The following NPIPB15 variants were observed in gnomAD, a reference collection of about 807,000 sequenced individuals.
NPIPB15 encodes the protein nuclear pore complex-interacting protein family member B15.
NPIPB15 carries 5 observed loss-of-function variants against 35.9 expected under a neutral mutation model. The ratio of observed to expected loss-of-function variants is 0.14; its 90% CI spans 0.07 to 0.29. The LOEUF is 0.29. Among genes scored for constraint, NPIPB15 ranks in the 10% least tolerant of loss-of-function variants. The probability of loss-of-function intolerance (pLI) is 1.00; values close to 1 mark genes in which losing one functional copy is unlikely to be tolerated. For missense variants in NPIPB15, 100 were observed against 506.1 expected (o/e 0.20, Z 7.70); for synonymous variants, 43 against 182.0 (o/e 0.24, Z 6.15).
At chr16:74,384,999 GTGTGTGTGTGTGTGTGTGT>G (rs1395145996) in intron 3 of NPIPB15, among the ~76,000 whole-genome samples, 38 of 34,132 alleles carry the variant, frequency 1.1e-3, no homozygotes, top group Non-Finnish European at 1.1e-3. Flanking sequence ...TCTTGTGTGT[GTGTGTGTGTGTGTGTGTGT>G]GTGTGTGTGT....
At chr16:74,378,410 C>T (rs139414349) in intron 2 of NPIPB15, among the ~76,000 whole-genome samples, 27,310 of 113,250 alleles carry the variant, frequency 0.24, 3,362 homozygotes, top group African/African-American at 0.33. Context: ...ATTTGTGTCA[C>T]CTGGTTTGAT....
chr16:74,381,365 T>C, intron 2 of NPIPB15, 151 bp from the exon 3 acceptor site: 1 of 906,850 alleles, frequency 1.1e-6, no homozygotes, highest in South Asian at 1.8e-5. Context: ...CTAACTTCTG[T>C]TCTTTTTTGT....
Position 74,376,678 on chromosome 16 carries a change from C to G in NPIPB15, c.-691C>G, listed in dbSNP as rs569814319. 2.0e-5 allele frequency among the ~76,000 whole-genome samples: 3 copies of G among 152,130 alleles called. No individual in the cohort carries two copies. Among genetic ancestry groups the G allele is most frequent in the Admixed American group, 6.6e-5 (1 of 15,218 alleles). Reference sequence around the variant, plus strand: ...GATTATAGATAAGGACATCATCACTCGGTTTCAGATGTTAAAATGTCTAGG... The same window carrying G: ...GATTATAGATAAGGACATCATCACTGGGTTTCAGATGTTAAAATGTCTAGG... On this transcript the variant is annotated 5_prime_UTR_variant, in exon 1 of 8. Coordinates refer to ENST00000692376, the MANE Select transcript of NPIPB15 (RefSeq NM_001306094.2).
rs2012001032 is a variant in NPIPB15, at chr16:74,381,635, T to C, written c.186T>C (p.Ile62=). 6.3e-7 allele frequency: 1 copy of C among 1,582,144 alleles called. No homozygotes were observed. Among genetic ancestry groups the C allele is most frequent in the South Asian group, 1.1e-5 (1 of 89,158 alleles). Reference sequence around the variant, plus strand: ...CACAAAAATTGGATAATTTGATAATTATCATTATTGGGTTTCTGAGACGTG... The same window carrying C: ...CACAAAAATTGGATAATTTGATAATCATCATTATTGGGTTTCTGAGACGTG... The part of the protein sequence containing the change: ...PSPQKLDNLI[I]IIIGFLRRDT... Residue 62 remains isoleucine, a synonymous_variant, in exon 3 of 8, where the codon ATT becomes ATC. Transcript: ENST00000692376.
In NPIPB15 at chr16:74,389,071, G is replaced by A. The variant is rs1263567946; in HGVS notation, c.546-754G>A. Among the ~76,000 whole-genome samples, 3 of 148,398 alleles carry A rather than the reference G, an allele frequency of 2.0e-5. No individual in the cohort carries two copies. In the South Asian group the frequency reaches 6.5e-4, roughly 32 times the overall value. On this transcript the variant is annotated intron_variant, in intron 5 of 7. Coordinates refer to ENST00000692376, the MANE Select transcript of NPIPB15 (RefSeq NM_001306094.2). ...CTGTGTGGAAACTCGGTTCATACCA[G>A]CCATTCTAGGGGTGGGGTGAGTTGT...
rs778530257 is a variant in NPIPB15, at chr16:74,381,644, T to C, written c.195T>C (p.Ile65=). ...TGGATAATTTGATAATTATCATTAT[T>C]GGGTTTCTGAGACGTGACACATTTA... is the stretch of plus-strand genomic sequence containing the variant. ...QKLDNLIIII[I]GFLRRDTFTI... is the part of the protein sequence containing the mutation. Residue 65 remains isoleucine, a synonymous_variant, in exon 3 of 8, where the codon ATT becomes ATC. Coordinates refer to ENST00000692376, the MANE Select transcript of NPIPB15 (RefSeq NM_001306094.2). The C allele has an allele frequency of 1.3e-6, 2 of 1,585,962 alleles. No homozygotes were observed. The highest frequency in any genetic ancestry group is 2.3e-5 in the East Asian group (1 of 44,208).
chr16:74,388,737 C>A (rs2012402985), intron 5 of NPIPB15: 2 of 963,270 alleles, frequency 2.1e-6, no homozygotes, highest in Non-Finnish European at 2.5e-6. Flanking sequence ...AGAATGTGAG[C>A]ACACAGAAAA....
chr16:74,379,110 C>T (rs1203068930), intron 2 of NPIPB15, among the ~76,000 whole-genome samples: 1 of 152,370 alleles, frequency 6.6e-6, no homozygotes, highest in African/African-American at 2.4e-5. Flanking sequence ...AAGATCTACA[C>T]TATTATGTCA....
intron 5 of NPIPB15, among the ~76,000 whole-genome samples, chr16:74,387,099 C>A (rs1238811150): frequency 4.0e-5 from 6 of 151,880 alleles, no homozygotes; most frequent in Non-Finnish European, 5.9e-5. Flanking sequence ...ACGGGTCCTC[C>A]ATACAGGCTG....
intron 1 of NPIPB15, 197 bp from the exon 2 acceptor site, chr16:74,377,755 C>T (rs1283979590): frequency 3.4e-6 from 1 of 297,070 alleles, no homozygotes; most frequent in Non-Finnish European, 6.2e-6. Flanking sequence ...CAACAGCCCC[C>T]TTCTCCTCCT....
At chr16:74,381,938 T>C (rs558739364) in intron 3 of NPIPB15, among the ~76,000 whole-genome samples, 20 of 130,364 alleles carry the variant, frequency 1.5e-4, no homozygotes, top group African/African-American at 5.4e-4. Context: ...TAAGTTTTTT[T>C]AGCCTTTGTG....
intron 2 of NPIPB15, among the ~76,000 whole-genome samples, chr16:74,378,423 CT>C (rs1002146100): frequency 0.015 from 1,253 of 85,856 alleles, 4 homozygotes; most frequent in African/African-American, 0.026. Context: ...GGTTTGATGC[CT>C]TTTTTTTTTT....
At chr16:74,378,602 C>T (rs1372238181) in intron 2 of NPIPB15, among the ~76,000 whole-genome samples, 2 of 148,988 alleles carry the variant, frequency 1.3e-5, no homozygotes, top group Non-Finnish European at 3.0e-5. Context: ...TTAGTAGAGA[C>T]GGGGTTTTAC....
At position 74,376,342 on chromosome 16, in the gene NPIPB15, G is replaced by A. The variant is rs78549120; in HGVS notation, c.-1027G>A. On this transcript the variant is annotated 5_prime_UTR_variant, in exon 1 of 8. Coordinates refer to ENST00000692376, the MANE Select transcript of NPIPB15 (RefSeq NM_001306094.2). Reference sequence around the variant, plus strand: ...GAGTTTGGGCACACTCTGTGTGATCGGGCAGAAGGCCTGTGGGAAGTTCAG... The same window carrying A: ...GAGTTTGGGCACACTCTGTGTGATCAGGCAGAAGGCCTGTGGGAAGTTCAG... Among the ~76,000 whole-genome samples the A allele has an allele frequency of 2.0e-5, 3 of 151,628 alleles. No homozygotes were observed. The highest frequency in any genetic ancestry group is 1.9e-4 in the East Asian group (1 of 5,180).
At chr16:74,388,598 G>A (rs1400137582) in intron 5 of NPIPB15, 2 of 930,624 alleles carry the variant, frequency 2.1e-6, no homozygotes, top group Admixed American at 1.4e-4. Context: ...TTCATTTGTG[G>A]GAAGGTTGCA....
chr16:74,376,590 A>G lies in NPIPB15; in HGVS notation c.-779A>G, dbSNP rs1475717582. ...CCTGAGAGGTCAATGATGAAGGTCA[A>G]CTTGGTTTTCTCCCCCTCATTTGGG... On this transcript the variant is annotated 5_prime_UTR_variant, in exon 1 of 8. Coordinates refer to ENST00000692376, the MANE Select transcript of NPIPB15 (RefSeq NM_001306094.2). 2.6e-5 allele frequency among the ~76,000 whole-genome samples: 4 copies of G among 151,852 alleles called. No homozygotes were observed. Among genetic ancestry groups the G allele is most frequent in the African/African-American group, 2.4e-5 (1 of 41,358 alleles).
intron 2 of NPIPB15, among the ~76,000 whole-genome samples, chr16:74,380,981 A>G (rs1419566909): frequency 1.3e-5 from 2 of 151,802 alleles, no homozygotes; most frequent in Non-Finnish European, 2.9e-5. Flanking sequence ...CATCTCTACT[A>G]AAAATACAAA....
At chr16:74,386,478 A>T in intron 5 of NPIPB15, among the ~76,000 whole-genome samples, 3 of 94,390 alleles carry the variant, frequency 3.2e-5, no homozygotes, top group African/African-American at 4.5e-5. Context: ...TTTTTTTTTG[A>T]GACAGAGTCT....
intron 7 of NPIPB15, 117 bp from the exon 8 acceptor site, chr16:74,391,274 G>A (rs1203588460): frequency 1.3e-6 from 2 of 1,545,460 alleles, no homozygotes; most frequent in African/African-American, 2.7e-5. Context: ...GAAACCTGGA[G>A]GATGGAAAGG....
Sources: gnomAD v4.1 joint callset for allele counts (sites outside exome capture counted in the v4.1 genomes callset) on GRCh38, gnomAD v4.1.1 for gene constraint, MANE v1.5 for transcripts, NCBI Gene and HGNC (gene_info 2026-07-23, HGNC 2026-07-21) for gene names.